Variants in AP3S2 observed in about 807,000 individuals in gnomAD.
AP3S2 encodes the protein AP-3 complex subunit sigma-2.
A neutral mutation model predicts 23.4 loss-of-function variants in AP3S2; 22 were observed. The ratio of observed to expected loss-of-function variants is 0.94; its 90% CI spans 0.67 to 1.34. The LOEUF (loss-of-function observed/expected upper bound fraction) is 1.34, where lower values mean the gene tolerates loss of function less well. Among genes scored for constraint, AP3S2 ranks in the 40% most tolerant of loss-of-function variants. The probability of loss-of-function intolerance (pLI) is 0.00; values close to 1 mark genes in which losing one functional copy is unlikely to be tolerated. For synonymous variants in AP3S2, 86 were observed against 87.1 expected (o/e 0.99, Z 0.07); for missense variants, 241 against 236.9 (o/e 1.02, Z -0.11).
At chr15:89,852,700 T>C (rs1895688360) in intron 4 of AP3S2, 2 of 151,958 alleles carry the variant, frequency 1.3e-5, no homozygotes, top group Admixed American at 6.6e-5. Flanking sequence ...AGAAAAAAAG[T>C]CCAAATGCCA....
rs1895126902 is a variant in AP3S2, at chr15:89,833,632, G to A, written c.*1883C>T. ...GAGAGAAATGTGAATGTACTGAAATGTCTGCCAGAAAAAAGAAAATCCAAC... is the reference window on the plus strand; with the variant it reads ...GAGAGAAATGTGAATGTACTGAAATATCTGCCAGAAAAAAGAAAATCCAAC... On this transcript the variant is annotated 3_prime_UTR_variant, in exon 6 of 6. Transcript: ENST00000336418. The A allele has an allele frequency of 6.6e-6, 1 of 152,202 alleles. No individual in the cohort carries two copies. Among genetic ancestry groups the A allele is most frequent in the African/African-American group, 2.4e-5 (1 of 41,448 alleles). The allele number at this position is 152,202 out of a possible 1,614,324, so 9.4% of individuals were successfully genotyped here.
At position 89,834,745 on chromosome 15, in the gene AP3S2, C is replaced by T. The variant is rs1335218650; in HGVS notation, c.*770G>A. 1.3e-5 allele frequency: 2 copies of T among 152,070 alleles called. No individual in the cohort carries two copies. The highest frequency in any genetic ancestry group is 2.9e-5 in the Non-Finnish European group (2 of 68,046). The allele number at this position is 152,070 out of a possible 1,614,324, so 9.4% of individuals were successfully genotyped here. ...TGAAACCCTGTCTCTACTAAACATA[C>T]AACAATTAGCTGGGCATGGTGGTGG... is the stretch of plus-strand genomic sequence containing the variant. On this transcript the variant is annotated 3_prime_UTR_variant, in exon 6 of 6. Coordinates refer to ENST00000336418, the MANE Select transcript of AP3S2 (RefSeq NM_005829.5).
At chr15:89,835,753 T>TGTG in intron 5 of AP3S2, 110 bp from the exon 6 acceptor site, 1 of 1,441,132 alleles carries the variant, frequency 6.9e-7, no homozygotes, top group Non-Finnish European at 9.1e-7. Context: ...GCAGGATGGG[T>TGTG]GTGGTGGCTC....
At chr15:89,883,966 T>C (rs1166985777) in intron 3 of AP3S2, 1 of 152,536 alleles carries the variant, frequency 6.6e-6, no homozygotes, top group African/African-American at 2.4e-5. Context: ...CTTTCAGATT[T>C]AGGATAAGTA....
chr15:89,830,971 T>C lies in AP3S2; in HGVS notation c.*4544A>G, dbSNP rs769772531. 1 of 152,142 alleles carries C rather than the reference T, an allele frequency of 6.6e-6. No homozygotes were observed. The highest frequency in any genetic ancestry group is 1.5e-5 in the Non-Finnish European group (1 of 68,142). The allele number at this position is 152,142 out of a possible 1,614,324, so 9.4% of individuals were successfully genotyped here. A position where few individuals can be genotyped will look rare whatever the true frequency, so the allele number is the denominator to read the frequency against. On this transcript the variant is annotated 3_prime_UTR_variant, in exon 6 of 6. Transcript: ENST00000336418. ...GGGACTTTGTTTCTTAACCTTAAAA[T>C]TGGAAACACTTCTTGCTACCAGGGA...
rs1895161405 is a variant in AP3S2 at position 89,835,302 on chromosome 15, GC to G, written c.*212del. The G allele has an allele frequency of 1.3e-6, 1 of 749,614 alleles. No individual in the cohort carries two copies. Among genetic ancestry groups the G allele is most frequent in the Admixed American group, 3.1e-5 (1 of 31,820 alleles). The allele number at this position is 749,614 out of a possible 1,614,324, so 46.4% of individuals were successfully genotyped here. ...CAGTGGCCGTATGCATCAGAGAACG[GC>G]ATGACTGCACATGTGAGAACTGGGT... On this transcript the variant is annotated 3_prime_UTR_variant, in exon 6 of 6. Transcript: ENST00000336418.
At chr15:89,845,596 C>G (rs1895467710) in intron 4 of AP3S2, 1 of 152,226 alleles carries the variant, frequency 6.6e-6, no homozygotes, top group East Asian at 1.9e-4. Flanking sequence ...TGTTAAACAA[C>G]AGAAGTTGGC....
At position 89,889,155 on chromosome 15, in the gene AP3S2, G is replaced by A; in HGVS notation, c.70-15C>T. 1 of 1,614,056 alleles carries A rather than the reference G, an allele frequency of 6.2e-7. No homozygotes were observed. Among genetic ancestry groups the A allele is most frequent in the Non-Finnish European group, 8.5e-7 (1 of 1,179,974 alleles). ...ATTTCTTCTGGCTATGAAACAAAAAGATAAGTGAATCAGTGGGCAAGCCTG... is the reference window on the plus strand; with the variant it reads ...ATTTCTTCTGGCTATGAAACAAAAAAATAAGTGAATCAGTGGGCAAGCCTG... On this transcript the variant is annotated splice_polypyrimidine_tract_variant and intron_variant, in intron 1 of 5. Coordinates refer to ENST00000336418, the MANE Select transcript of AP3S2 (RefSeq NM_005829.5).
In AP3S2 at chr15:89,835,352, A is replaced by G; in HGVS notation, c.*163T>C. The G allele has an allele frequency of 1.6e-6, 2 of 1,260,900 alleles. No homozygotes were observed. The highest frequency in any genetic ancestry group is 2.4e-5 in the Admixed American group (1 of 41,472). The allele number at this position is 1,260,900 out of a possible 1,614,324, so 78.1% of individuals were successfully genotyped here. On this transcript the variant is annotated 3_prime_UTR_variant, in exon 6 of 6. Coordinates refer to ENST00000336418, the MANE Select transcript of AP3S2 (RefSeq NM_005829.5). Reference sequence around the variant, plus strand: ...GTGCACCCGAGCAGTGTCAATAGGAATCCCTTCCCTATTCCATGCCAAACA... The same window carrying G: ...GTGCACCCGAGCAGTGTCAATAGGAGTCCCTTCCCTATTCCATGCCAAACA...
At chr15:89,888,422 A>T (rs1164129007) in intron 3 of AP3S2, 99 bp downstream of exon 3, 18 of 1,151,772 alleles carry the variant, frequency 1.6e-5, no homozygotes, top group Non-Finnish European at 2.1e-5. Flanking sequence ...TTTTACTAGT[A>T]TCAATAAGGA....
At chr15:89,891,389 T>G (rs917991859) in intron 1 of AP3S2, among the ~76,000 whole-genome samples, 1 of 152,294 alleles carries the variant, frequency 6.6e-6, no homozygotes, top group East Asian at 1.9e-4. Context: ...CTGGGTGCGG[T>G]GGCTCACGCC....
chr15:89,856,333 A>G (rs1253944811), intron 4 of AP3S2, among the ~76,000 whole-genome samples: 2 of 151,736 alleles, frequency 1.3e-5, no homozygotes. Context: ...GAGGCTGAGG[A>G]GGATGGATCA....
intron 5 of AP3S2, 113 bp downstream of exon 5, chr15:89,837,502 T>G: frequency 1.8e-5 from 21 of 1,189,766 alleles, no homozygotes; most frequent in Non-Finnish European, 2.4e-5. Flanking sequence ...AGAAAGAAGA[T>G]GAGTATCATT....
At chr15:89,854,513 G>A (rs1357112103) in intron 4 of AP3S2, among the ~76,000 whole-genome samples, 1,555 of 52,292 alleles carry the variant, frequency 0.03, no homozygotes, top group East Asian at 0.038. Flanking sequence ...CCGTCCGGGA[G>A]GGAGGTGGGG....
At chr15:89,884,345 T>C (rs1426129426) in intron 3 of AP3S2, among the ~76,000 whole-genome samples, 2 of 152,140 alleles carry the variant, frequency 1.3e-5, no homozygotes, top group Admixed American at 1.3e-4. Flanking sequence ...TTCTATTTAA[T>C]AGTATGCAGT....
At position 89,890,178 on chromosome 15, in the gene AP3S2, T is replaced by C. The variant is rs180764341; in HGVS notation, c.70-1038A>G. 2.0e-3 allele frequency among the ~76,000 whole-genome samples: 296 copies of C among 149,788 alleles called. 1 individual carries two copies. Among genetic ancestry groups the C allele is most frequent in the Non-Finnish European group, 1.8e-3 (118 of 67,254 alleles). On this transcript the variant is annotated intron_variant, in intron 1 of 5. Transcript: ENST00000336418. ...GATTCTCCTGCCTCAGCCTCCCCAG[T>C]GGCTGAGATTACAGGTATGTGCCAC...
At position 89,833,394 on chromosome 15, in the gene AP3S2, A is replaced by G. The variant is rs1205062588; in HGVS notation, c.*2121T>C. ...AAGCCATCTTAAGCAGCGAGGAAAG[A>G]AAAGGACAGTGGAGTCAAGTGAACA... On this transcript the variant is annotated 3_prime_UTR_variant, in exon 6 of 6. Transcript: ENST00000336418. 1 of 152,216 alleles carries G rather than the reference A, an allele frequency of 6.6e-6. No individual in the cohort carries two copies. The highest frequency in any genetic ancestry group is 2.4e-5 in the African/African-American group (1 of 41,454). 9.4% of individuals were successfully genotyped at this position (152,216 alleles called of 1,614,324 possible).
chr15:89,844,273 C>CTT (rs1567173863), intron 4 of AP3S2, among the ~76,000 whole-genome samples: 4 of 16,230 alleles, frequency 2.5e-4, no homozygotes, highest in East Asian at 3.9e-3. Flanking sequence ...CTTTCTTTCT[C>CTT]TCTCTCTCTC....
intron 3 of AP3S2, among the ~76,000 whole-genome samples, chr15:89,878,044 AT>A (rs1227418949): frequency 6.6e-6 from 1 of 152,140 alleles, no homozygotes; most frequent in African/African-American, 2.4e-5. Flanking sequence ...TCATACATGC[AT>A]TTTTTTGTGT....
Sources: allele counts gnomAD v4.1 joint callset (sites outside exome capture counted in the v4.1 genomes callset), GRCh38; gene constraint gnomAD v4.1.1; transcripts MANE v1.5; gene names NCBI Gene and HGNC (gene_info 2026-07-23, HGNC 2026-07-21).